CADM2: variants seen among roughly 807,000 people sequenced by gnomAD.
CADM2 encodes the protein cell adhesion molecule 2.
A neutral mutation model predicts 49.8 loss-of-function variants in CADM2; 12 were observed. The ratio of observed to expected loss-of-function variants is 0.24; its 90% confidence interval spans 0.15 to 0.39. CADM2 has a LOEUF of 0.39. Among genes scored for constraint, CADM2 ranks in the 10% least tolerant of loss-of-function variants. CADM2 has a pLI of 1.00. For missense variants in CADM2, 378 were observed against 492.3 expected (o/e 0.77, Z 2.20); for synonymous variants, 214 against 175.4 (o/e 1.22, Z -1.74).
intron 1 of CADM2, among the ~76,000 whole-genome samples, chr3:85,199,776 G>A (rs1285621190): frequency 6.6e-6 from 1 of 151,926 alleles, no homozygotes; most frequent in East Asian, 1.9e-4. Context: ...CAAACCTGTA[G>A]TCAAATAATT....
intron 3 of CADM2, among the ~76,000 whole-genome samples, chr3:85,821,706 T>C (rs2073581296): frequency 6.6e-6 from 1 of 152,124 alleles, no homozygotes; most frequent in East Asian, 1.9e-4. Flanking sequence ...ACTAACCTTA[T>C]TCATGGAACT....
intron 1 of CADM2, among the ~76,000 whole-genome samples, chr3:85,052,312 A>T (rs1211152822): frequency 6.6e-6 from 1 of 152,046 alleles, no homozygotes; most frequent in Non-Finnish European, 1.5e-5. Context: ...AACATGTCCA[A>T]CCCTCTCTCT....
intron 1 of CADM2, among the ~76,000 whole-genome samples, chr3:85,477,275 C>CACAT (rs1553728051): frequency 6.6e-6 from 1 of 151,044 alleles, no homozygotes; most frequent in Non-Finnish European, 1.5e-5. Flanking sequence ...CACACACATA[C>CACAT]AGACACGTAT....
chr3:85,696,868 A>G (rs1296011571), intron 1 of CADM2, among the ~76,000 whole-genome samples: 5 of 151,822 alleles, frequency 3.3e-5, no homozygotes, highest in Admixed American at 1.3e-4. Context: ...AATCTTGACT[A>G]TATGTCCAAA....
intron 1 of CADM2, among the ~76,000 whole-genome samples, chr3:85,611,960 G>A (rs2063693498): frequency 6.6e-6 from 1 of 151,686 alleles, no homozygotes; most frequent in Non-Finnish European, 1.5e-5. Context: ...TCTCCAGGAA[G>A]AAGAAATAGG....
At chr3:85,805,239 G>A (rs941080798) in intron 3 of CADM2, among the ~76,000 whole-genome samples, 2 of 152,108 alleles carry the variant, frequency 1.3e-5, no homozygotes, top group Admixed American at 6.6e-5. Flanking sequence ...CCACCGTGCC[G>A]GGCCAGGACT....
chr3:85,362,491 C>T (rs540520625), intron 1 of CADM2, among the ~76,000 whole-genome samples: 44 of 152,262 alleles, frequency 2.9e-4, no homozygotes, highest in African/African-American at 1.0e-3. Flanking sequence ...ATAAACACAT[C>T]TGTAGGTCAT....
intron 8 of CADM2, among the ~76,000 whole-genome samples, chr3:85,991,195 G>T (rs1309651004): frequency 1.3e-5 from 2 of 152,050 alleles, no homozygotes; most frequent in Non-Finnish European, 2.9e-5. Context: ...AATTATTTTT[G>T]CACTATGGCC....
chr3:85,883,516 A>G, intron 4 of CADM2, 73 bp downstream of exon 4: 2 of 1,246,216 alleles, frequency 1.6e-6, no homozygotes, highest in South Asian at 1.8e-5. Context: ...ACATAATTCA[A>G]TACAAAAATA....
At chr3:85,279,839 C>T (rs1216200833) in intron 1 of CADM2, among the ~76,000 whole-genome samples, 7 of 151,592 alleles carry the variant, frequency 4.6e-5, no homozygotes, top group Admixed American at 4.6e-4. Context: ...CTTCTTTGGA[C>T]AGATATTTGT....
At position 85,366,590 on chromosome 3, in the gene CADM2, A is replaced by T. The variant is rs549411415; in HGVS notation, c.62-359932A>T. On this transcript the variant is annotated intron_variant, in intron 1 of 9. Coordinates refer to ENST00000383699, the MANE Select transcript of CADM2 (RefSeq NM_001167675.2). ...ATTTAACCACAGGGGAGAAGTCACAATATTGCATAAATAAGACTCTAAGTG... is the reference window on the plus strand; with the variant it reads ...ATTTAACCACAGGGGAGAAGTCACATTATTGCATAAATAAGACTCTAAGTG... Among the ~76,000 whole-genome samples, 6 of 152,300 alleles carry T rather than the reference A, an allele frequency of 3.9e-5. No individual in the cohort carries two copies. The South Asian group carries it at 1.2e-3, about 32-fold the overall frequency.
intron 1 of CADM2, among the ~76,000 whole-genome samples, chr3:85,592,158 A>G (rs1226873321): frequency 1.3e-5 from 2 of 152,050 alleles, no homozygotes; most frequent in Admixed American, 6.6e-5. Flanking sequence ...TTATATTAAT[A>G]TAACAAGATG....
At chr3:85,612,833 A>ATCAG (rs2063713120) in intron 1 of CADM2, among the ~76,000 whole-genome samples, 1 of 151,786 alleles carries the variant, frequency 6.6e-6, no homozygotes, top group African/African-American at 2.4e-5. Context: ...TGATAGTTAA[A>ATCAG]TCAGTATATT....
At chr3:85,147,835 A>C (rs1400737405) in intron 1 of CADM2, among the ~76,000 whole-genome samples, 1 of 152,198 alleles carries the variant, frequency 6.6e-6, no homozygotes, top group Admixed American at 6.5e-5. Flanking sequence ...AAAAGGAGGA[A>C]CCAGAAATTT....
chr3:85,604,461 T>C (rs907130095), intron 1 of CADM2, among the ~76,000 whole-genome samples: 1 of 151,986 alleles, frequency 6.6e-6, no homozygotes, highest in African/African-American at 2.4e-5. Flanking sequence ...ACATGCTGTA[T>C]TAGTTTACCC....
At chr3:84,964,877 CT>C (rs1482118513) in intron 1 of CADM2, among the ~76,000 whole-genome samples, 21 of 152,252 alleles carry the variant, frequency 1.4e-4, no homozygotes, top group Non-Finnish European at 2.9e-4. Context: ...AGCACTCATA[CT>C]TTGTCAAGTC....
chr3:85,360,266 G>A (rs898011504), intron 1 of CADM2, among the ~76,000 whole-genome samples: 16 of 151,998 alleles, frequency 1.1e-4, no homozygotes, highest in African/African-American at 3.6e-4. Context: ...TAATACCAGT[G>A]AAACATCTAC....
intron 1 of CADM2, among the ~76,000 whole-genome samples, chr3:85,677,568 C>T (rs2065920013): frequency 6.6e-6 from 1 of 151,530 alleles, no homozygotes; most frequent in Admixed American, 6.6e-5. Context: ...TTTAAATGTT[C>T]AATAAAGATT....
chr3:86,025,192 A>G (rs974964803), intron 8 of CADM2, among the ~76,000 whole-genome samples: 10 of 152,030 alleles, frequency 6.6e-5, no homozygotes, highest in African/African-American at 2.2e-4. Context: ...AGTAGCTGGG[A>G]CTACAGGCGC....
Sources: gnomAD v4.1 joint callset for allele counts (sites outside exome capture counted in the v4.1 genomes callset) on GRCh38, gnomAD v4.1.1 for gene constraint, MANE v1.5 for transcripts, NCBI Gene and HGNC (gene_info 2026-07-23, HGNC 2026-07-21) for gene names.